The following KIF1B variants were observed in gnomAD, a reference collection of about 807,000 sequenced individuals.
KIF1B encodes the protein kinesin family member 1B, also known as kinesin-like protein KIF1B.
A neutral mutation model predicts 241.9 loss-of-function variants in KIF1B; 76 were observed. That is an observed-to-expected ratio of 0.31 (90% CI 0.26 to 0.38). KIF1B has a LOEUF of 0.38. KIF1B is among the 10% of genes least tolerant of loss of function. The pLI is 1.00. For missense variants in KIF1B, 1,622 were observed against 2,271.4 expected, an observed-to-expected ratio of 0.71 and a Z score of 5.81; for synonymous variants, 750 against 796.7, an observed-to-expected ratio of 0.94 and a Z score of 0.99.
rs540395397 is a variant in KIF1B at position 10,219,487 on chromosome 1, T to G, written c.-80+8609T>G. On this transcript the variant is annotated intron_variant, in intron 1 of 48. Coordinates refer to ENST00000676179, the MANE Select transcript of KIF1B (RefSeq NM_001365951.3). ...AAAGTAAAAAATAGGCCAGGCCTTA[T>G]GGCTCACGCCTGTAATCCCAGCACT... 1.4e-3 allele frequency among the ~76,000 whole-genome samples: 213 copies of G among 151,400 alleles called. 1 individual carries two copies. Among genetic ancestry groups the G allele is most frequent in the African/African-American group, 4.9e-3 (203 of 41,182 alleles).
At chr1:10,332,546 C>T (rs1279032810) in intron 27 of KIF1B, among the ~76,000 whole-genome samples, 1 of 110,136 alleles carries the variant, frequency 9.1e-6, no homozygotes, top group African/African-American at 3.6e-5. Flanking sequence ...GACGGAGTCT[C>T]ACTCTGTCGC....
intron 27 of KIF1B, among the ~76,000 whole-genome samples, chr1:10,329,066 T>G (rs1438459013): frequency 6.6e-6 from 1 of 152,252 alleles, no homozygotes; most frequent in Non-Finnish European, 1.5e-5. Context: ...TTTCTTTCTT[T>G]TAATCATGTC....
chr1:10,294,418 G>A (rs1479022137), intron 17 of KIF1B, among the ~76,000 whole-genome samples: 1 of 152,036 alleles, frequency 6.6e-6, no homozygotes, highest in Non-Finnish European at 1.5e-5. Context: ...GGGGGGTATG[G>A]GGACATTTTA....
At chr1:10,300,799 A>C (rs1340677432) in intron 22 of KIF1B, among the ~76,000 whole-genome samples, 1 of 152,250 alleles carries the variant, frequency 6.6e-6, no homozygotes. Context: ...ACTTAAAATT[A>C]GCCATTATGA....
At chr1:10,235,988 T>G (rs922246619) in intron 2 of KIF1B, among the ~76,000 whole-genome samples, 1 of 151,344 alleles carries the variant, frequency 6.6e-6, no homozygotes, top group Non-Finnish European at 1.5e-5. Flanking sequence ...TATAGTATAT[T>G]TGGGCCGGGC....
chr1:10,230,781 T>C (rs1440188671), intron 1 of KIF1B: 1 of 152,128 alleles, frequency 6.6e-6, no homozygotes, highest in African/African-American at 2.4e-5. Context: ...TTTCACACAG[T>C]AGTGTTGGCT....
chr1:10,351,075 A>AG (rs935796496), intron 37 of KIF1B, among the ~76,000 whole-genome samples: 3 of 138,750 alleles, frequency 2.2e-5, no homozygotes, highest in African/African-American at 8.3e-5. Context: ...GACCCTGTCA[A>AG]AAAAAAAAAA....
intron 26 of KIF1B, 21 bp downstream of exon 26, chr1:10,324,916 T>C: frequency 2.5e-6 from 4 of 1,613,516 alleles, no homozygotes; most frequent in Non-Finnish European, 3.4e-6. Context: ...ATTTTGTTGA[T>C]GTCTTCTTTT....
At chr1:10,316,213 A>T (rs1651297996) in intron 22 of KIF1B, among the ~76,000 whole-genome samples, 1 of 145,430 alleles carries the variant, frequency 6.9e-6, no homozygotes, top group Admixed American at 7.0e-5. Context: ...AGCCTGGGTG[A>T]CAGAGGGAGA....
intron 44 of KIF1B, among the ~76,000 whole-genome samples, chr1:10,369,661 G>A (rs532182128): frequency 6.6e-6 from 1 of 152,288 alleles, no homozygotes; most frequent in East Asian, 1.9e-4. Context: ...GGCTGGCTGC[G>A]GTGGCTCATG....
chr1:10,275,464 A>C lies in KIF1B; in HGVS notation c.919A>C (p.Arg307=). Residue 307 remains arginine, a synonymous_variant, in exon 11 of 49, where the codon AGG becomes CGG. Coordinates refer to ENST00000676179, the MANE Select transcript of KIF1B (RefSeq NM_001365951.3). ...GAAGAAAACAGATTTTATTCCCTAC[A>C]GGGATTCTGTACTTACTTGGCTCCT... The part of the protein sequence containing the change: ...KKKKTDFIPY[R]DSVLTWLLRE... 6.3e-7 allele frequency: 1 copy of C among 1,586,544 alleles called. No individual in the cohort carries two copies. Among genetic ancestry groups the C allele is most frequent in the Non-Finnish European group, 8.7e-7 (1 of 1,155,176 alleles).
chr1:10,274,085 C>T (rs538143598), intron 10 of KIF1B, among the ~76,000 whole-genome samples: 2 of 151,656 alleles, frequency 1.3e-5, no homozygotes, highest in Non-Finnish European at 2.9e-5. Flanking sequence ...TACAGGTGCC[C>T]GCCACCACCC....
In KIF1B at chr1:10,251,915, C is replaced by T. The variant is rs995917777; in HGVS notation, c.107-4332C>T. ...ATCATTGTTCTTATTGCTGAGCTACCGAAACCTAGAATCTGACTCACACAA... is the reference window on the plus strand; with the variant it reads ...ATCATTGTTCTTATTGCTGAGCTACTGAAACCTAGAATCTGACTCACACAA... On this transcript the variant is annotated intron_variant, in intron 2 of 48. Transcript: ENST00000676179. Among the ~76,000 whole-genome samples, 7 of 152,186 alleles carry T rather than the reference C, an allele frequency of 4.6e-5. No individual in the cohort carries two copies. The East Asian group carries it at 5.8e-4, about 13-fold the overall frequency.
intron 1 of KIF1B, among the ~76,000 whole-genome samples, chr1:10,230,442 CTTTTTTT>C (rs59493302): frequency 7.1e-6 from 1 of 140,550 alleles, no homozygotes; most frequent in Non-Finnish European, 1.5e-5. Context: ...TTTTTTCTTT[CTTTTTTT>C]TTTTGAGACG....
chr1:10,284,731 G>C (rs1468468831), intron 15 of KIF1B, among the ~76,000 whole-genome samples: 1 of 151,464 alleles, frequency 6.6e-6, no homozygotes, highest in African/African-American at 2.4e-5. Context: ...CCATGGTGAC[G>C]TGCATCTATA....
rs1650274554 is a variant in KIF1B at position 10,296,585 on chromosome 1, T to C, written c.1781T>C (p.Ile594Thr). 8.7e-6 allele frequency: 14 copies of C among 1,613,290 alleles called. No homozygotes were observed. Among genetic ancestry groups the C allele is most frequent in the Non-Finnish European group, 1.2e-5 (14 of 1,179,334 alleles). Residue 594 changes from isoleucine (I) to threonine (T), a missense_variant, in exon 20 of 49, where the codon ATC (isoleucine) becomes ACC (threonine). Around this residue, in one of 7 missense-constraint regions of KIF1B, gnomAD observed 44 missense variants for 28.6 expected, o/e 1.54. Coordinates refer to ENST00000676179, the MANE Select transcript of KIF1B (RefSeq NM_001365951.3). ...RSERSNSGEV[I>T]VTLEPCERSE... ...AGTTTGTGTTTGTTCCTCTTAGTTA[T>C]CGTGACCTTAGAGCCCTGTGAGCGC...
At chr1:10,275,959 G>A (rs976516282) in intron 11 of KIF1B, among the ~76,000 whole-genome samples, 2 of 149,894 alleles carry the variant, frequency 1.3e-5, no homozygotes, top group African/African-American at 2.5e-5. Flanking sequence ...AGGCTGGAGT[G>A]CGGTGGTGCA....
Position 10,363,295 on chromosome 1 carries a change from T to G in KIF1B, c.4317T>G (p.Thr1439=), listed in dbSNP as rs374597069. ...YSKSPDSNRV[T]GIYELSLCKM... ...TTTCTTCAAATAGGAATCGAGTCAC[T>G]GGCATTTACGAACTCAGCTTATGCA... The change falls in exon 41 of 49, where the codon ACT becomes ACG. Residue 1439 remains threonine (T), a synonymous_variant. Coordinates refer to ENST00000676179, the MANE Select transcript of KIF1B (RefSeq NM_001365951.3). The G allele has an allele frequency of 6.2e-6, 10 of 1,613,336 alleles. No homozygotes were observed. Among genetic ancestry groups the G allele is most frequent in the Non-Finnish European group, 8.5e-6 (10 of 1,179,254 alleles).
chr1:10,358,102 CAA>C (rs541043240), intron 38 of KIF1B, among the ~76,000 whole-genome samples: 60 of 85,074 alleles, frequency 7.1e-4, no homozygotes, highest in Non-Finnish European at 7.9e-4. Flanking sequence ...AAGTCCAAAG[CAA>C]AAAAAAAAAA....
Sources: gnomAD v4.1 joint callset for allele counts (sites outside exome capture counted in the v4.1 genomes callset) on GRCh38, gnomAD v4.1.1 for gene constraint, gnomAD v4.1.1 regional missense constraint, MANE v1.5 for transcripts, NCBI Gene and HGNC (gene_info 2026-07-23, HGNC 2026-07-21) for gene names.